Variants in CCNB2 observed in about 807,000 individuals in gnomAD.
CCNB2 encodes the protein G2/mitotic-specific cyclin-B2.
In CCNB2, 39 loss-of-function variants were observed where a neutral mutation model predicts 51.1. The observed-to-expected ratio is 0.76, with a 90% CI of 0.59 to 1.00. The LOEUF (loss-of-function observed/expected upper bound fraction) is 1.00, where lower values mean the gene tolerates loss of function less well. CCNB2 is among the 50% of genes least tolerant of loss of function. The probability of loss-of-function intolerance (pLI) is 0.00; values close to 1 mark genes in which losing one functional copy is unlikely to be tolerated. For missense variants in CCNB2, 472 were observed against 470.3 expected, an observed-to-expected ratio of 1.00 and a Z score of -0.03; for synonymous variants, 174 against 165.5, an observed-to-expected ratio of 1.05 and a Z score of -0.40.
intron 8 of CCNB2, chr15:59,124,218 C>T (rs2079315457): frequency 6.1e-6 from 1 of 163,522 alleles, no homozygotes; most frequent in Non-Finnish European, 1.3e-5. Context: ...TTGTGTGACA[C>T]CAAACATCAG....
In CCNB2 at chr15:59,107,007, T is replaced by C. The variant is rs1047711517; in HGVS notation, c.25-315T>C. 2.0e-5 allele frequency among the ~76,000 whole-genome samples: 3 copies of C among 152,214 alleles called. No individual in the cohort carries two copies. The South Asian group carries it at 6.2e-4, about 31-fold the overall frequency. On this transcript the variant is annotated intron_variant, in intron 1 of 8. Coordinates refer to ENST00000288207, the MANE Select transcript of CCNB2 (RefSeq NM_004701.4). ...TCTCTAACAAGTGATATGGGTACTA[T>C]ATGAGAAATAATCATTAAATACTAA...
rs1596333615 is a variant in CCNB2 at position 59,123,736 on chromosome 15, A to G, written c.1086+109A>G. ...GCCGTCATGTAAATATATTAATAAC[A>G]TGTGGGAGTTTTAGCACAAATCCTT... On this transcript the variant is annotated intron_variant, in intron 8 of 8. Coordinates refer to ENST00000288207, the MANE Select transcript of CCNB2 (RefSeq NM_004701.4). 1 of 364,874 alleles carries G rather than the reference A, an allele frequency of 2.7e-6. No homozygotes were observed. Among genetic ancestry groups the G allele is most frequent in the Non-Finnish European group, 4.8e-6 (1 of 209,574 alleles). The allele number at this position is 364,874 out of a possible 1,614,324, so 22.6% of individuals were successfully genotyped here.
intron 6 of CCNB2, 79 bp from the exon 7 acceptor site, chr15:59,117,148 GT>G (rs1201818971): frequency 1.0e-4 from 141 of 1,412,776 alleles, no homozygotes; most frequent in Non-Finnish European, 1.4e-4. Flanking sequence ...GTGAATTGGA[GT>G]TCCTAGGCCT....
chr15:59,117,214 C>T lies in CCNB2; in HGVS notation c.835-14C>T, dbSNP rs1442562175. On this transcript the variant is annotated splice_polypyrimidine_tract_variant and intron_variant, in intron 6 of 8. Coordinates refer to ENST00000288207, the MANE Select transcript of CCNB2 (RefSeq NM_004701.4). ...CACTTGTGATTCTTACTATCCCTTG[C>T]TGTTCTTTCTTAGGTTGATGTTGAA... is the stretch of plus-strand genomic sequence containing the variant. The T allele has an allele frequency of 1.2e-6, 2 of 1,609,652 alleles. No individual in the cohort carries two copies. The highest frequency in any genetic ancestry group is 8.5e-7 in the Non-Finnish European group (1 of 1,178,060).
At chr15:59,107,492 C>A (rs571854426) in intron 2 of CCNB2, 42 bp downstream of exon 2, 2 of 1,613,692 alleles carry the variant, frequency 1.2e-6, no homozygotes, top group Admixed American at 3.3e-5. Context: ...GAGGCCGATT[C>A]TGTATAGTGC....
At chr15:59,122,271 C>CA (rs2079306106) in intron 7 of CCNB2, among the ~76,000 whole-genome samples, 1 of 44,412 alleles carries the variant, frequency 2.3e-5, no homozygotes, top group Non-Finnish European at 3.9e-5. Context: ...TTTTTTGAGA[C>CA]AGAGTCTTTC....
At chr15:59,118,127 A>G (rs1239068165) in intron 7 of CCNB2, among the ~76,000 whole-genome samples, 1 of 152,276 alleles carries the variant, frequency 6.6e-6, no homozygotes, top group East Asian at 1.9e-4. Context: ...AGACAAAGGA[A>G]GGCCAAGGCC....
At position 59,105,238 on chromosome 15, in the gene CCNB2, C is replaced by T. The variant is rs778279942; in HGVS notation, c.-31C>T. Reference sequence around the variant, plus strand: ...TTTCAGTCCGCGTCCCTCCCTGGGCCGGGCTGGCACTCTTGCCTTCCCCGT... The same window carrying T: ...TTTCAGTCCGCGTCCCTCCCTGGGCTGGGCTGGCACTCTTGCCTTCCCCGT... On this transcript the variant is annotated 5_prime_UTR_variant, in exon 1 of 9. Transcript: ENST00000288207. The T allele has an allele frequency of 2.6e-6, 4 of 1,555,604 alleles. No individual in the cohort carries two copies. The highest frequency in any genetic ancestry group is 3.5e-6 in the Non-Finnish European group (4 of 1,150,960).
intron 7 of CCNB2, among the ~76,000 whole-genome samples, chr15:59,121,721 C>T (rs903419276): frequency 3.9e-5 from 6 of 152,026 alleles, no homozygotes; most frequent in Non-Finnish European, 8.8e-5. Flanking sequence ...CACTTGAGGC[C>T]AGGAGTTTGA....
Position 59,117,369 on chromosome 15 carries a change from G to C in CCNB2, c.975+1G>C. 1.2e-6 allele frequency: 2 copies of C among 1,612,658 alleles called. No homozygotes were observed. The highest frequency in any genetic ancestry group is 1.7e-6 in the Non-Finnish European group (2 of 1,178,966). On this transcript the variant is annotated splice_donor_variant, in intron 7 of 8. Coordinates refer to ENST00000288207, the MANE Select transcript of CCNB2 (RefSeq NM_004701.4). LOFTEE classifies it high-confidence loss of function. ...GAAGGTTCTAGGACAAGGAAAATGG[G>C]TGAGTGGTGGATTTAAGAAGAAACT...
At chr15:59,121,667 C>T (rs2079302282) in intron 7 of CCNB2, 1 of 152,274 alleles carries the variant, frequency 6.6e-6, no homozygotes, top group Admixed American at 6.5e-5. Context: ...CGCAGTGGCT[C>T]ATGCCTGTAG....
rs370628686 is a variant in CCNB2, at chr15:59,119,460, C to CAAAAA, written c.975+2105_975+2109dup. Among the ~76,000 whole-genome samples the CAAAAA allele has an allele frequency of 1.7e-4, 14 of 83,896 alleles. 1 individual carries two copies. Among genetic ancestry groups the CAAAAA allele is most frequent in the East Asian group, 3.1e-4 (1 of 3,258 alleles). 55.0% of individuals were successfully genotyped at this position (83,896 alleles called of 152,430 possible). ...GGGCAACAGAGCAAAACCCTGTCTC[C>CAAAAA]AAAAAAAAAAAAAAAAACAAATCTG... On this transcript the variant is annotated intron_variant, in intron 7 of 8. Transcript: ENST00000288207.
In CCNB2 at chr15:59,114,666, C is replaced by T. The variant is rs772568414; in HGVS notation, c.438+52C>T. The T allele has an allele frequency of 2.5e-6, 4 of 1,589,516 alleles. No individual in the cohort carries two copies. In the South Asian group the frequency reaches 3.4e-5, roughly 13 times the overall value. ...TATAAGCAATGTGGAATTTACCACA[C>T]AGCTGGGAAGCAAACAAGGTCAGCT... On this transcript the variant is annotated intron_variant, in intron 4 of 8. Coordinates refer to ENST00000288207, the MANE Select transcript of CCNB2 (RefSeq NM_004701.4).
At chr15:59,118,187 G>GT (rs1157927527) in intron 7 of CCNB2, among the ~76,000 whole-genome samples, 1 of 152,248 alleles carries the variant, frequency 6.6e-6, no homozygotes, top group African/African-American at 2.4e-5. Context: ...AGATTTAGAA[G>GT]AGTAGCCAAG....
At chr15:59,122,477 G>C (rs2079307018) in intron 7 of CCNB2, among the ~76,000 whole-genome samples, 1 of 150,952 alleles carries the variant, frequency 6.6e-6, no homozygotes, top group African/African-American at 2.4e-5. Context: ...CGCCCACCTC[G>C]GCCTCCCAAA....
intron 1 of CCNB2, among the ~76,000 whole-genome samples, chr15:59,106,663 C>T (rs907089730): frequency 1.3e-5 from 2 of 152,166 alleles, no homozygotes; most frequent in Non-Finnish European, 2.9e-5. Flanking sequence ...CCAACCTTCC[C>T]TGAGTTTGGG....
rs886811673 is a variant in CCNB2 at position 59,117,071 on chromosome 15, G to A, written c.834+145G>A. On this transcript the variant is annotated intron_variant, in intron 6 of 8. Transcript: ENST00000288207. ...TCCTCATCAGTTCTTAAGAGAAAAG[G>A]CCTCATGATCTATGTTTACAACATA... 4 of 956,048 alleles carry A rather than the reference G, an allele frequency of 4.2e-6. No homozygotes were observed. The South Asian group carries it at 4.7e-5, about 11-fold the overall frequency. The allele number at this position is 956,048 out of a possible 1,614,324, so 59.2% of individuals were successfully genotyped here.
intron 3 of CCNB2, among the ~76,000 whole-genome samples, chr15:59,111,856 C>CTTTTT (rs11327656): frequency 7.5e-5 from 10 of 133,962 alleles, no homozygotes; most frequent in South Asian, 2.3e-4. Context: ...TTCTTTCTTT[C>CTTTTT]TTTTTTTTTT....
intron 7 of CCNB2, among the ~76,000 whole-genome samples, chr15:59,122,609 C>T (rs1342468474): frequency 3.4e-5 from 5 of 145,674 alleles, no homozygotes; most frequent in South Asian, 2.2e-4. Context: ...GCGTTAATAT[C>T]GCTCATTACC....
Sources: gnomAD v4.1 joint callset for allele counts (sites outside exome capture counted in the v4.1 genomes callset) on GRCh38, gnomAD v4.1.1 for gene constraint, MANE v1.5 for transcripts, NCBI Gene and HGNC (gene_info 2026-07-23, HGNC 2026-07-21) for gene names.